The following CAPN5 variants were observed in gnomAD, a reference collection of about 807,000 sequenced individuals.
CAPN5 encodes calpain-5.
CAPN5 carries 54 observed loss-of-function variants against 73.0 expected under a neutral mutation model. That is an observed-to-expected ratio of 0.74 (90% CI 0.59 to 0.93). The LOEUF is 0.93. CAPN5 is among the 40% of genes least tolerant of loss of function. The probability of loss-of-function intolerance (pLI) is 0.00; values close to 1 mark genes in which losing one functional copy is unlikely to be tolerated. For missense variants in CAPN5, 785 were observed against 882.9 expected (o/e 0.89, Z 1.41); for synonymous variants, 335 against 356.9 (o/e 0.94, Z 0.69).
intron 2 of CAPN5, chr11:77,088,177 G>A (rs7102149): frequency 0.31 from 320,754 of 1,033,198 alleles, 56,987 homozygotes; most frequent in Middle Eastern, 0.39. Context: ...GGGACAAGGT[G>A]GGGTGGGGGA....
rs1018162720 is a variant in CAPN5 at position 77,074,981 on chromosome 11, G to A, written c.-36+7887G>A. On this transcript the variant is annotated intron_variant, in intron 1 of 12. Coordinates refer to ENST00000648180, the MANE Select transcript of CAPN5 (RefSeq NM_004055.5). The stretch of plus-strand genomic sequence containing the variant: ...GACTGCCAGTCCAAGTCCTGTGGCC[G>A]TTCTTCTGGTCTTTCTGGTTTAGTC... Among the ~76,000 whole-genome samples the A allele has an allele frequency of 4.6e-5, 7 of 152,194 alleles. 1 individual carries two copies. Among genetic ancestry groups the A allele is most frequent in the Admixed American group, 2.6e-4 (4 of 15,282 alleles).
chr11:77,122,429 T>C (rs1160771865), intron 11 of CAPN5, 147 bp from the exon 12 acceptor site: 1 of 689,150 alleles, frequency 1.5e-6, no homozygotes, highest in Admixed American at 2.5e-5. Flanking sequence ...GGCCTGTCTC[T>C]GGAAACGAAG....
chr11:77,104,023 C>A (rs1040632259), intron 3 of CAPN5, among the ~76,000 whole-genome samples: 19 of 152,200 alleles, frequency 1.2e-4, no homozygotes, highest in African/African-American at 4.3e-4. Flanking sequence ...GCACACATAT[C>A]CATGAGACAG....
rs1555035867 is a variant in CAPN5 at position 77,088,041 on chromosome 11, T to C, written c.165+2990T>C. The stretch of plus-strand genomic sequence containing the variant: ...TGGGAGCTCAGGGTGTCCGTCCTCC[T>C]CGCTCAGGGCCCGGGACCTGGTAGG... On this transcript the variant is annotated intron_variant, in intron 2 of 12. Transcript: ENST00000648180. 3 of 1,535,548 alleles carry C rather than the reference T, an allele frequency of 2.0e-6. No homozygotes were observed. In the South Asian group the frequency reaches 3.6e-5, roughly 18 times the overall value.
intron 3 of CAPN5, among the ~76,000 whole-genome samples, chr11:77,108,277 G>A (rs1048170022): frequency 6.6e-6 from 1 of 152,236 alleles, no homozygotes; most frequent in African/African-American, 2.4e-5. Flanking sequence ...AGTGGGCAGG[G>A]AAAAGAGAGC....
chr11:77,111,491 G>GTGATAAT (rs1364783362), intron 3 of CAPN5, among the ~76,000 whole-genome samples: 1 of 152,184 alleles, frequency 6.6e-6, no homozygotes, highest in African/African-American at 2.4e-5. Context: ...AGAGGTTATT[G>GTGATAAT]TGATAATTAA....
Position 77,084,941 on chromosome 11 carries a change from G to C in CAPN5, c.55G>C (p.Asp19His). 4 of 1,613,940 alleles carry C rather than the reference G, an allele frequency of 2.5e-6. No homozygotes were observed. Among genetic ancestry groups the C allele is most frequent in the Non-Finnish European group, 3.4e-6 (4 of 1,180,006 alleles). Residue 19 changes from aspartate to histidine, a missense_variant, in exon 2 of 13, where the codon GAC (aspartate) becomes CAC (histidine). Transcript: ENST00000648180. ...CCAGAACTACTCAGCCCTGAGGCGG[G>C]ACTGCCGGCGCAGGAAGGTGCTCTT... ...EDQNYSALRR[D>H]CRRRKVLFED... is the part of the protein sequence containing the mutation.
In CAPN5 at chr11:77,120,786, G is replaced by T. The variant is rs915996598; in HGVS notation, c.1364G>T (p.Arg455Leu). ...GCCAGCTCCATCTACATCAACTCAC[G>T]CAGCGTCTTCCTGCGCACCGACCAG... ...KAASSIYINSRSVFLRTDQPE... is the reference protein window; with the variant it reads ...KAASSIYINSLSVFLRTDQPE... Residue 455 changes from arginine (R) to leucine (L), a missense_variant, in exon 10 of 13, where the codon CGC (arginine) becomes CTC (leucine). Coordinates refer to ENST00000648180, the MANE Select transcript of CAPN5 (RefSeq NM_004055.5). 1.2e-6 allele frequency: 2 copies of T among 1,613,924 alleles called. No homozygotes were observed. Among genetic ancestry groups the T allele is most frequent in the Admixed American group, 1.7e-5 (1 of 59,996 alleles).
chr11:77,114,313 T>G lies in CAPN5; in HGVS notation c.578T>G (p.Val193Gly), dbSNP rs201877502. Reference protein sequence around the residue: ...ADALVDFTGGVSEPIDLTEGD... With the variant: ...ADALVDFTGGGSEPIDLTEGD... ...GCACTGGTGGACTTCACGGGTGGTGTTTCTGAGCCCATCGACCTGACCGAG... is the reference window on the plus strand; with the variant it reads ...GCACTGGTGGACTTCACGGGTGGTGGTTCTGAGCCCATCGACCTGACCGAG... Residue 193 changes from valine (V) to glycine (G), a missense_variant, in exon 5 of 13, where the codon GTT (valine) becomes GGT (glycine). Coordinates refer to ENST00000648180, the MANE Select transcript of CAPN5 (RefSeq NM_004055.5). The G allele has an allele frequency of 1.2e-6, 2 of 1,614,178 alleles. No homozygotes were observed. The highest frequency in any genetic ancestry group is 4.5e-5 in the East Asian group (2 of 44,886).
At chr11:77,093,523 A>T (rs529045212) in intron 2 of CAPN5, among the ~76,000 whole-genome samples, 159 bp from the exon 3 acceptor site, 1 of 152,058 alleles carries the variant, frequency 6.6e-6, no homozygotes, top group African/African-American at 2.4e-5. Flanking sequence ...GATGGGCCCT[A>T]TGGGGCCCCA....
intron 7 of CAPN5, among the ~76,000 whole-genome samples, chr11:77,117,359 G>A (rs1950478886): frequency 6.6e-6 from 1 of 152,202 alleles, no homozygotes; most frequent in African/African-American, 2.4e-5. Context: ...TGGAAACTCA[G>A]TCCCTTCCTG....
Position 77,115,513 on chromosome 11 carries a change from A to G in CAPN5, c.818A>G (p.Lys273Arg), listed in dbSNP as rs1950458088. ...GGCCACGGCCTACTGGCCTTCTTCA[A>G]GTCAGAGAAGTTGGACATGATCCGC... ...RLGHGLLAFF[K>R]SEKLDMIRLR... Residue 273 changes from lysine (K) to arginine (R), a missense_variant, in exon 6 of 13, where the codon AAG (lysine) becomes AGG (arginine). Lys to Arg is a conservative substitution (Grantham distance 26, BLOSUM62 2). Transcript: ENST00000648180. 1.9e-6 allele frequency: 3 copies of G among 1,613,268 alleles called. No homozygotes were observed. Among genetic ancestry groups the G allele is most frequent in the African/African-American group, 2.7e-5 (2 of 74,940 alleles).
intron 3 of CAPN5, among the ~76,000 whole-genome samples, chr11:77,098,885 T>G (rs1200694083): frequency 8.5e-6 from 1 of 118,112 alleles, no homozygotes; most frequent in South Asian, 3.0e-4. Flanking sequence ...CGCTCCTCAC[T>G]TCCCAGATGG....
chr11:77,071,048 C>T (rs544959963), intron 1 of CAPN5, among the ~76,000 whole-genome samples: 28 of 152,302 alleles, frequency 1.8e-4, no homozygotes, highest in African/African-American at 6.0e-4. Context: ...TCTAGGGATT[C>T]GGTTGGGAGT....
chr11:77,092,425 C>T (rs2135433690), intron 2 of CAPN5, among the ~76,000 whole-genome samples: 1 of 152,388 alleles, frequency 6.6e-6, no homozygotes, highest in South Asian at 2.1e-4. Context: ...AATACCCCCA[C>T]AGCAAGAAGA....
At chr11:77,122,964 A>C (rs1192110965) in intron 12 of CAPN5, among the ~76,000 whole-genome samples, 1 of 152,234 alleles carries the variant, frequency 6.6e-6, no homozygotes, top group Non-Finnish European at 1.5e-5. Context: ...GGCTGGGGAC[A>C]GCAGTCATCT....
chr11:77,123,877 C>G lies in CAPN5; in HGVS notation c.*7C>G, dbSNP rs1384463172. ...CTCCCTCATGGCTGTCTGACACCTG[C>G]CCACCTACCTGGCTCTGACCGTTCC... is the stretch of plus-strand genomic sequence containing the variant. On this transcript the variant is annotated 3_prime_UTR_variant, in exon 13 of 13. Coordinates refer to ENST00000648180, the MANE Select transcript of CAPN5 (RefSeq NM_004055.5). 16 of 1,611,286 alleles carry G rather than the reference C, an allele frequency of 9.9e-6. No individual in the cohort carries two copies. The highest frequency in any genetic ancestry group is 1.4e-5 in the Non-Finnish European group (16 of 1,178,990).
chr11:77,103,785 C>A (rs570799997), intron 3 of CAPN5, among the ~76,000 whole-genome samples: 8 of 152,372 alleles, frequency 5.3e-5, no homozygotes, highest in South Asian at 4.1e-4. Context: ...AGCCGGCATT[C>A]ACTGCTCCCT....
In CAPN5 at chr11:77,093,609, G is replaced by C. The variant is rs1950176130; in HGVS notation, c.166-73G>C. On this transcript the variant is annotated intron_variant, in intron 2 of 12. Coordinates refer to ENST00000648180, the MANE Select transcript of CAPN5 (RefSeq NM_004055.5). ...GTCTGTGTCTGTCACGTCTGTGTCT[G>C]TCATGTCTCCTGCCATGGGGGGCAT... is the stretch of plus-strand genomic sequence containing the variant. 4 of 1,384,520 alleles carry C rather than the reference G, an allele frequency of 2.9e-6. No homozygotes were observed. The Admixed American group carries it at 8.3e-5, about 29-fold the overall frequency. 85.8% of individuals were successfully genotyped at this position (1,384,520 alleles called of 1,614,324 possible). A position where few individuals can be genotyped will look rare whatever the true frequency, so the allele number is the denominator to read the frequency against.
Sources: gnomAD v4.1 joint callset for allele counts (sites outside exome capture counted in the v4.1 genomes callset) on GRCh38, gnomAD v4.1.1 for gene constraint, MANE v1.5 for transcripts, NCBI Gene and HGNC (gene_info 2026-07-23, HGNC 2026-07-21) for gene names.